Variants in LPCAT1 observed in about 807,000 individuals in gnomAD.
The protein encoded by LPCAT1 is lysophosphatidylcholine acyltransferase 1.
Under a neutral mutation model 60.9 loss-of-function variants are expected in LPCAT1, and 23 were observed. The ratio of observed to expected loss-of-function variants is 0.38; its 90% CI spans 0.27 to 0.53. LPCAT1 has a LOEUF of 0.53. LPCAT1 is among the 20% of genes least tolerant of loss of function. The pLI is 0.82. For synonymous variants in LPCAT1, 340 were observed against 301.1 expected, an observed-to-expected ratio of 1.13 and a Z score of -1.34; for missense variants, 622 against 723.6, an observed-to-expected ratio of 0.86 and a Z score of 1.61.
rs370798107 is a variant in LPCAT1, at chr5:1,479,146, C to T, written c.816+475G>A. Among the ~76,000 whole-genome samples, 8 of 152,298 alleles carry T rather than the reference C, an allele frequency of 5.3e-5. No homozygotes were observed. In the South Asian group the frequency reaches 6.2e-4, roughly 12 times the overall value. On this transcript the variant is annotated intron_variant, in intron 8 of 13. Transcript: ENST00000283415. Reference sequence around the variant, plus strand: ...TGTGGTAGTTCACGCCTGTGATCCCCGCACTTTAGGAGGCCAAGGCGGGAG... The same window carrying T: ...TGTGGTAGTTCACGCCTGTGATCCCTGCACTTTAGGAGGCCAAGGCGGGAG...
chr5:1,473,608 G>A (rs1055945829), intron 11 of LPCAT1, among the ~76,000 whole-genome samples: 1 of 152,232 alleles, frequency 6.6e-6, no homozygotes, highest in Non-Finnish European at 1.5e-5. Context: ...TAGAAACTCT[G>A]ACGCTGCAAA....
intron 11 of LPCAT1, among the ~76,000 whole-genome samples, chr5:1,471,164 C>G (rs371176192): frequency 3.3e-5 from 5 of 152,348 alleles, no homozygotes; most frequent in African/African-American, 1.2e-4. Context: ...AAGGCTGCCA[C>G]AGGAAGCACC....
At chr5:1,503,959 A>G (rs1357257844) in intron 1 of LPCAT1, among the ~76,000 whole-genome samples, 1 of 152,176 alleles carries the variant, frequency 6.6e-6, no homozygotes, top group African/African-American at 2.4e-5. Context: ...ACGTTGCCAG[A>G]TATTTTTCTA....
chr5:1,521,795 C>A lies in LPCAT1; in HGVS notation c.135+1915G>T, dbSNP rs944043204. 6.6e-6 allele frequency among the ~76,000 whole-genome samples: 1 copy of A among 152,158 alleles called. No homozygotes were observed. Among genetic ancestry groups the A allele is most frequent in the East Asian group, 1.9e-4 (1 of 5,186 alleles). ...TCGGGACCAGGAGCCTCTCGATGAC[C>A]CCCTGCCCAAGAGCCACTGGGAGCA... On this transcript the variant is annotated intron_variant, in intron 1 of 13. Transcript: ENST00000283415. This position sits in a 1 kb window ranked among gnomAD's most constrained non-coding sequence, Gnocchi z 4.3.
At chr5:1,507,427 C>T (rs1312205577) in intron 1 of LPCAT1, among the ~76,000 whole-genome samples, 2 of 152,360 alleles carry the variant, frequency 1.3e-5, no homozygotes, top group African/African-American at 4.8e-5. Context: ...AAGTTGGCTA[C>T]GATAAACCAA....
chr5:1,499,872 G>A (rs930622622), intron 2 of LPCAT1, among the ~76,000 whole-genome samples: 3 of 152,280 alleles, frequency 2.0e-5, no homozygotes, highest in Admixed American at 6.5e-5. Context: ...TCAGGCAGAT[G>A]TCAGCTCCCA....
rs139246326 is a variant in LPCAT1, at chr5:1,464,719, G to A, written c.1421-884C>T. On this transcript the variant is annotated intron_variant, in intron 13 of 13. Coordinates refer to ENST00000283415, the MANE Select transcript of LPCAT1 (RefSeq NM_024830.5). The stretch of plus-strand genomic sequence containing the variant: ...GTGCACACACACAAAGAGCACACAC[G>A]GTAAACACACATGCACGCAGACACA... Among the ~76,000 whole-genome samples, 407 of 121,974 alleles carry A rather than the reference G, an allele frequency of 3.3e-3. 4 individuals carry two copies. The Middle Eastern group carries it at 0.059, about 18-fold the overall frequency. The allele number at this position is 121,974 out of a possible 152,430, so 80.0% of individuals were successfully genotyped here.
chr5:1,494,424 GT>G (rs1476860186), intron 3 of LPCAT1, among the ~76,000 whole-genome samples: 1 of 150,592 alleles, frequency 6.6e-6, no homozygotes, highest in Non-Finnish European at 1.5e-5. Flanking sequence ...TGGGGGGGGG[GT>G]CCCTCACTCC....
Position 1,487,294 on chromosome 5 carries a change from G to A in LPCAT1, c.667+1097C>T, listed in dbSNP as rs1316484118. Among the ~76,000 whole-genome samples, 5 of 152,222 alleles carry A rather than the reference G, an allele frequency of 3.3e-5. No individual in the cohort carries two copies. In the East Asian group the frequency reaches 5.8e-4, roughly 18 times the overall value. On this transcript the variant is annotated intron_variant, in intron 5 of 13. Coordinates refer to ENST00000283415, the MANE Select transcript of LPCAT1 (RefSeq NM_024830.5). This position sits in a 1 kb window ranked among gnomAD's most constrained non-coding sequence, Gnocchi z 6.1. ...CAGTGTGGTGGGGGCACACGGATTC[G>A]TGGTCACCGCGTGCCGCCTCCACCC...
Position 1,522,163 on chromosome 5 carries a change from GGGGCGTCCCCGCTGA to G in LPCAT1, c.135+1532_135+1546del, listed in dbSNP as rs1454829269. ...ACAGCAGGGGTTCGAATTTCATCCG[GGGGCGTCCCCGCTGA>G]GGGCTTCCGAGCAGCAGAGTGCAGG... On this transcript the variant is annotated intron_variant, in intron 1 of 13. Coordinates refer to ENST00000283415, the MANE Select transcript of LPCAT1 (RefSeq NM_024830.5). This position sits in a 1 kb window ranked among gnomAD's most constrained non-coding sequence, Gnocchi z 6.8. Among the ~76,000 whole-genome samples the G allele has an allele frequency of 1.3e-5, 2 of 152,294 alleles. No individual in the cohort carries two copies. The highest frequency in any genetic ancestry group is 3.9e-4 in the East Asian group (2 of 5,174).
At chr5:1,512,201 G>A (rs568975612) in intron 1 of LPCAT1, among the ~76,000 whole-genome samples, 4 of 152,220 alleles carry the variant, frequency 2.6e-5, no homozygotes, top group East Asian at 1.9e-4. Flanking sequence ...GTGCGGCCCC[G>A]TGAGTCGCAG....
intron 1 of LPCAT1, among the ~76,000 whole-genome samples, chr5:1,505,418 T>C (rs1579806522): frequency 1.3e-5 from 2 of 152,238 alleles, no homozygotes; most frequent in East Asian, 3.8e-4. Context: ...ACCCATGGTG[T>C]TCCTGAAACA....
At chr5:1,464,833 C>T (rs557844436) in intron 13 of LPCAT1, among the ~76,000 whole-genome samples, 3 of 149,646 alleles carry the variant, frequency 2.0e-5, no homozygotes, top group East Asian at 2.0e-4. Flanking sequence ...CACACATGCA[C>T]GTACACACAA....
chr5:1,471,584 C>T (rs1428026718), intron 11 of LPCAT1, among the ~76,000 whole-genome samples: 1 of 152,016 alleles, frequency 6.6e-6, no homozygotes, highest in Non-Finnish European at 1.5e-5. Flanking sequence ...TGAGGAGCAC[C>T]CTGGACAGGG....
chr5:1,474,758 G>A (rs1271515317), intron 9 of LPCAT1, 73 bp from the exon 10 acceptor site: 20 of 1,543,904 alleles, frequency 1.3e-5, no homozygotes, highest in Admixed American at 1.9e-5. Context: ...CAGAATAACC[G>A]CCGATGGCTC....
Position 1,494,818 on chromosome 5 carries a change from G to A in LPCAT1, c.375C>T (p.Thr125=), listed in dbSNP as rs751048754. 5.0e-6 allele frequency: 8 copies of A among 1,613,514 alleles called. No individual in the cohort carries two copies. Among genetic ancestry groups the A allele is most frequent in the South Asian group, 2.2e-5 (2 of 91,084 alleles). The change falls in exon 3 of 14, where the codon ACC becomes ACT. Residue 125 remains threonine, a synonymous_variant. Coordinates refer to ENST00000283415, the MANE Select transcript of LPCAT1 (RefSeq NM_024830.5). ...GCGCGAGCGTGAGGATGGCCGCCTC[G>A]GTGGGCAGCGCCTGCCGCCCCTTCA... ...VAVKGRQALP[T]EAAILTLAPH... is the part of the protein sequence containing the mutation.
At position 1,496,653 on chromosome 5, in the gene LPCAT1, GA is replaced by G. The variant is rs1351940678; in HGVS notation, c.279-1740del. Among the ~76,000 whole-genome samples the G allele has an allele frequency of 1.3e-5, 2 of 152,200 alleles. No homozygotes were observed. The highest frequency in any genetic ancestry group is 4.8e-5 in the African/African-American group (2 of 41,452). On this transcript the variant is annotated intron_variant, in intron 2 of 13. Transcript: ENST00000283415. This position sits in a 1 kb window ranked among gnomAD's most constrained non-coding sequence, Gnocchi z 4.7. The stretch of plus-strand genomic sequence containing the variant: ...GCCAGCCCCGAAATCGAATTGCAGG[GA>G]CAGACGGTGCTCAGGGGAACTGTAC...
intron 3 of LPCAT1, among the ~76,000 whole-genome samples, chr5:1,492,396 T>G (rs1168838874): frequency 6.6e-6 from 1 of 152,102 alleles, no homozygotes; most frequent in African/African-American, 2.4e-5. Flanking sequence ...GGGAGATGGT[T>G]CTGAGCTCCC....
intron 1 of LPCAT1, among the ~76,000 whole-genome samples, chr5:1,515,516 C>G (rs1736482102): frequency 6.7e-6 from 1 of 149,486 alleles, no homozygotes; most frequent in African/African-American, 2.5e-5. Flanking sequence ...TACACCCTGC[C>G]CCACACTACC....
Sources: allele counts gnomAD v4.1 joint callset (sites outside exome capture counted in the v4.1 genomes callset), GRCh38; gene constraint gnomAD v4.1.1; non-coding constraint Gnocchi (gnomAD v3.1); transcripts MANE v1.5; gene names NCBI Gene and HGNC (gene_info 2026-07-23, HGNC 2026-07-21).